The following SLC25A24 variants were observed in gnomAD, a reference collection of about 807,000 sequenced individuals.
SLC25A24 encodes the protein solute carrier family 25 member 24.
Under a neutral mutation model 60.7 loss-of-function variants are expected in SLC25A24, and 49 were observed. The observed-to-expected ratio is 0.81, with a 90% CI of 0.64 to 1.02. The LOEUF (loss-of-function observed/expected upper bound fraction) is 1.02, where lower values mean the gene tolerates loss of function less well. Among genes scored for constraint, SLC25A24 ranks in the 50% least tolerant of loss-of-function variants. The probability of loss-of-function intolerance (pLI) is 0.00; values close to 1 mark genes in which losing one functional copy is unlikely to be tolerated. For synonymous variants in SLC25A24, 202 were observed against 200.6 expected, an observed-to-expected ratio of 1.01 and a Z score of -0.06; for missense variants, 564 against 586.3, an observed-to-expected ratio of 0.96 and a Z score of 0.39.
chr1:108,174,627 C>A (rs564439107), intron 3 of SLC25A24, among the ~76,000 whole-genome samples: 1 of 152,100 alleles, frequency 6.6e-6, no homozygotes, highest in Non-Finnish European at 1.5e-5. Flanking sequence ...GTAGATCCAC[C>A]GACAGCTTGC....
chr1:108,173,250 G>A (rs79013379), intron 3 of SLC25A24, among the ~76,000 whole-genome samples: 2,158 of 152,136 alleles, frequency 0.014, 60 homozygotes, highest in African/African-American at 0.049. Flanking sequence ...CATGTGTCAC[G>A]GGAGACAGCT....
rs543180381 is a variant in SLC25A24 at position 108,142,184 on chromosome 1, G to A, written c.1098+1359C>T. ...TTGTATGTTGCTGGTGAGAATGTAA[G>A]TGCAGCCACTATGGAAAACAGTCTG... On this transcript the variant is annotated intron_variant, in intron 8 of 9. Transcript: ENST00000565488. Among the ~76,000 whole-genome samples, 7 of 152,292 alleles carry A rather than the reference G, an allele frequency of 4.6e-5. No individual in the cohort carries two copies. In the East Asian group the frequency reaches 1.4e-3, roughly 29 times the overall value.
At chr1:108,197,609 G>C (rs938567299) in intron 1 of SLC25A24, among the ~76,000 whole-genome samples, 1 of 152,138 alleles carries the variant, frequency 6.6e-6, no homozygotes, top group Non-Finnish European at 1.5e-5. Context: ...GTATCAACTC[G>C]TCTGGACTAA....
intron 1 of SLC25A24, among the ~76,000 whole-genome samples, chr1:108,190,857 G>C (rs1298331217): frequency 7.2e-6 from 1 of 138,576 alleles, no homozygotes; most frequent in African/African-American, 2.5e-5. Context: ...AATGTTCTGT[G>C]TGGTTGGTGC....
At position 108,157,524 on chromosome 1, in the gene SLC25A24, T is replaced by A. The variant is rs1263162075; in HGVS notation, c.607A>T (p.Ile203Phe). 1 of 1,614,090 alleles carries A rather than the reference T, an allele frequency of 6.2e-7. No homozygotes were observed. The highest frequency in any genetic ancestry group is 1.3e-5 in the African/African-American group (1 of 74,934). Residue 203 changes from isoleucine (I) to phenylalanine (F), a missense_variant, in exon 5 of 10, where the codon ATT becomes TTT. By Grantham distance (21) the Ile-to-Phe change is conservative. Transcript: ENST00000565488. ...QWWRQLLAGG[I>F]AGAVSRTSTA... ...CTTGTTCGAGAGACAGCACCAGCAA[T>A]GCCTCCTGCCAAAAGCTGCCTCCAC...
At chr1:108,186,991 C>T (rs1169512498) in intron 1 of SLC25A24, among the ~76,000 whole-genome samples, 2 of 151,658 alleles carry the variant, frequency 1.3e-5, no homozygotes, top group East Asian at 1.9e-4. Context: ...GCAAAAGAAT[C>T]GCTTGAACCT....
chr1:108,187,492 T>C (rs754880374), intron 1 of SLC25A24, among the ~76,000 whole-genome samples: 25 of 152,082 alleles, frequency 1.6e-4, no homozygotes, highest in Non-Finnish European at 3.1e-4. Flanking sequence ...CTAGACACTA[T>C]AGACATTAAT....
intron 1 of SLC25A24, among the ~76,000 whole-genome samples, chr1:108,194,714 A>C (rs1316538840): frequency 6.6e-6 from 1 of 152,224 alleles, no homozygotes; most frequent in Non-Finnish European, 1.5e-5. Context: ...GGTTTTGAGA[A>C]TACAATGAAG....
intron 3 of SLC25A24, among the ~76,000 whole-genome samples, chr1:108,177,087 A>G (rs188133361): frequency 4.6e-5 from 7 of 152,320 alleles, no homozygotes; most frequent in South Asian, 2.1e-4. Flanking sequence ...AAAAGAGGTA[A>G]ACTGTGACAT....
intron 8 of SLC25A24, among the ~76,000 whole-genome samples, 198 bp from the exon 9 acceptor site, chr1:108,139,406 TTTGCACCGG>T (rs1198477062): frequency 1.1e-4 from 16 of 152,012 alleles, no homozygotes; most frequent in African/African-American, 3.9e-4. Context: ...ACACATGAGG[TTTGCACCGG>T]TTACTGACAT....
intron 3 of SLC25A24, among the ~76,000 whole-genome samples, chr1:108,167,386 C>A (rs1271400157): frequency 6.6e-6 from 1 of 152,012 alleles, no homozygotes; most frequent in South Asian, 2.1e-4. Flanking sequence ...GCCCCTCCCC[C>A]AGCCTCGCTG....
chr1:108,155,173 C>A, intron 5 of SLC25A24, 38 bp from the exon 6 acceptor site: 1 of 1,574,396 alleles, frequency 6.4e-7, no homozygotes, highest in Non-Finnish European at 8.6e-7. Flanking sequence ...ATGCTGGTGG[C>A]ATATTACTAT....
Position 108,193,756 on chromosome 1 carries a change from C to T in SLC25A24, c.183+6200G>A, listed in dbSNP as rs183883301. Among the ~76,000 whole-genome samples, 321 of 140,286 alleles carry T rather than the reference C, an allele frequency of 2.3e-3. 65 individuals are homozygous for T. Among genetic ancestry groups the T allele is most frequent in the South Asian group, 0.015 (54 of 3,692 alleles). 92.0% of individuals were successfully genotyped at this position (140,286 alleles called of 152,430 possible). A position where few individuals can be genotyped will look rare whatever the true frequency, so the allele number is the denominator to read the frequency against. The stretch of plus-strand genomic sequence containing the variant: ...TATCTTCATCCAACCACTACAATGG[C>T]TCCAGGGCAAGCCTATCCTTCAGCT... On this transcript the variant is annotated intron_variant, in intron 1 of 9. Coordinates refer to ENST00000565488, the MANE Select transcript of SLC25A24 (RefSeq NM_013386.5).
In SLC25A24 at chr1:108,200,156, C is replaced by T; in HGVS notation, c.-18G>A. 6.5e-7 allele frequency: 1 copy of T among 1,537,324 alleles called. No homozygotes were observed. Among genetic ancestry groups the T allele is most frequent in the East Asian group, 2.5e-5 (1 of 40,554 alleles). On this transcript the variant is annotated 5_prime_UTR_variant, in exon 1 of 10. Coordinates refer to ENST00000565488, the MANE Select transcript of SLC25A24 (RefSeq NM_013386.5). ...CGCAACATGGTCCCAGAGGCGCAGG[C>T]GGCCTGGCCGAGGAAGTCACGGGAG...
chr1:108,188,731 G>C (rs1418483098), intron 1 of SLC25A24, among the ~76,000 whole-genome samples: 1 of 152,182 alleles, frequency 6.6e-6, no homozygotes, highest in Admixed American at 6.5e-5. Context: ...CCCTATGCTG[G>C]CTTTAAGGTA....
intron 2 of SLC25A24, 78 bp downstream of exon 2, chr1:108,185,750 A>G: frequency 9.4e-7 from 1 of 1,066,604 alleles, no homozygotes; most frequent in Non-Finnish European, 1.4e-6. Context: ...GAGAGATTAA[A>G]TAAGCATCCT....
Position 108,136,806 on chromosome 1 carries a change from CA to C in SLC25A24, c.1280del (p.Met427ArgfsTer26), listed in dbSNP as rs1679302233. ...AAATAATTCGTCGAAAGAGGCCAAC[CA>C]TATTCAGCTGTGGGGAACCTTCTAA... The part of the protein sequence containing the change: ...AMLEGSPQLN[M>X]VGLFRRIISK... On this transcript the variant is annotated frameshift_variant, in exon 10 of 10. Coordinates refer to ENST00000565488, the MANE Select transcript of SLC25A24 (RefSeq NM_013386.5). LOFTEE classifies it high-confidence loss of function. 3 of 1,614,028 alleles carry C rather than the reference CA, an allele frequency of 1.9e-6. No homozygotes were observed. Among genetic ancestry groups the C allele is most frequent in the Non-Finnish European group, 2.5e-6 (3 of 1,179,988 alleles).
rs560450785 is a variant in SLC25A24 at position 108,151,462 on chromosome 1, A to G, written c.823-3076T>C. 2.0e-5 allele frequency among the ~76,000 whole-genome samples: 3 copies of G among 152,276 alleles called. No individual in the cohort carries two copies. In the East Asian group the frequency reaches 5.8e-4, roughly 29 times the overall value. The stretch of plus-strand genomic sequence containing the variant: ...ACCTATCTCTGGGTTGAGAAATCCT[A>G]AAAGATATTCTTATTATATTCACTA... On this transcript the variant is annotated intron_variant, in intron 6 of 9. Transcript: ENST00000565488.
chr1:108,157,827 A>C (rs1679946054), intron 4 of SLC25A24, among the ~76,000 whole-genome samples: 2 of 152,358 alleles, frequency 1.3e-5, no homozygotes, highest in East Asian at 3.9e-4. Flanking sequence ...AATGAAAATA[A>C]ACAGTAATTA....
Sources: allele counts gnomAD v4.1 joint callset (sites outside exome capture counted in the v4.1 genomes callset), GRCh38; gene constraint gnomAD v4.1.1; transcripts MANE v1.5; gene names NCBI Gene and HGNC (gene_info 2026-07-23, HGNC 2026-07-21).